The following RAB7A variants were observed in gnomAD, a reference collection of about 807,000 sequenced individuals.
RAB7A encodes the protein RAB7A, member RAS oncogene family.
In RAB7A, 2 loss-of-function variants were observed where a neutral mutation model predicts 24.5. That is an observed-to-expected ratio of 0.08 (90% CI 0.03 to 0.26). The LOEUF (loss-of-function observed/expected upper bound fraction) is 0.26, where lower values mean the gene tolerates loss of function less well. RAB7A is among the 10% of genes least tolerant of loss of function. The pLI is 1.00. For missense variants in RAB7A, 118 were observed against 255.7 expected, an observed-to-expected ratio of 0.46 and a Z score of 3.67; for synonymous variants, 100 against 95.9, an observed-to-expected ratio of 1.04 and a Z score of -0.25.
chr3:128,807,406 C>T, intron 4 of RAB7A, 137 bp from the exon 5 acceptor site: 1 of 1,332,460 alleles, frequency 7.5e-7, no homozygotes, highest in Non-Finnish European at 1.1e-6. Flanking sequence ...AGGTCTCCTC[C>T]AACACCCTCT....
intron 1 of RAB7A, among the ~76,000 whole-genome samples, chr3:128,790,744 A>G (rs1222222962): frequency 6.6e-6 from 1 of 152,146 alleles, no homozygotes; most frequent in Non-Finnish European, 1.5e-5. Flanking sequence ...CCCACTGTTA[A>G]TACTGTATTT....
chr3:128,773,943 CG>C (rs1933017200), intron 1 of RAB7A, among the ~76,000 whole-genome samples: 1 of 148,542 alleles, frequency 6.7e-6, no homozygotes, highest in South Asian at 2.1e-4. Context: ...ACAAACACTG[CG>C]GAAGGCCTCA....
At chr3:128,796,377 A>G (rs1195052306) in intron 2 of RAB7A, among the ~76,000 whole-genome samples, 1 of 152,002 alleles carries the variant, frequency 6.6e-6, no homozygotes, top group Non-Finnish European at 1.5e-5. Flanking sequence ...GCTTGAGCCC[A>G]GGAGTTTGAG....
chr3:128,769,557 A>C (rs969548506), intron 1 of RAB7A, among the ~76,000 whole-genome samples: 8 of 152,148 alleles, frequency 5.3e-5, no homozygotes, highest in African/African-American at 1.9e-4. Flanking sequence ...GTGATTTCCA[A>C]ATATTTTCTC....
chr3:128,744,953 A>C (rs971143406), intron 1 of RAB7A, among the ~76,000 whole-genome samples: 4 of 148,320 alleles, frequency 2.7e-5, no homozygotes, highest in Non-Finnish European at 5.9e-5. Context: ...GGCTCACTGC[A>C]AGCTCTGCCT....
chr3:128,792,882 G>T (rs1051548993), intron 1 of RAB7A, among the ~76,000 whole-genome samples: 4 of 149,144 alleles, frequency 2.7e-5, no homozygotes, highest in African/African-American at 9.9e-5. Flanking sequence ...ACAGTGCCTC[G>T]CACTGTCACC....
chr3:128,798,460 T>A (rs1227930690), intron 3 of RAB7A: 1 of 201,166 alleles, frequency 5.0e-6, no homozygotes, highest in African/African-American at 2.4e-5. Context: ...TAGTGAGACA[T>A]AAACTTTATT....
intron 1 of RAB7A, among the ~76,000 whole-genome samples, chr3:128,754,070 G>GTTGA: frequency 6.6e-6 from 1 of 152,228 alleles, no homozygotes; most frequent in East Asian, 1.9e-4. Flanking sequence ...AGTCATGAAG[G>GTTGA]TTGAAATAAA....
intron 1 of RAB7A, among the ~76,000 whole-genome samples, chr3:128,737,278 A>G (rs1039642182): frequency 3.4e-5 from 5 of 147,794 alleles, no homozygotes; most frequent in African/African-American, 1.3e-4. Context: ...TGACCTTGTG[A>G]TCCGCCTCCC....
At chr3:128,749,593 G>T (rs536864637) in intron 1 of RAB7A, 7 of 152,358 alleles carry the variant, frequency 4.6e-5, no homozygotes, top group African/African-American at 1.7e-4. Flanking sequence ...CCTATTTGTT[G>T]TGGGAGGGAC....
intron 1 of RAB7A, among the ~76,000 whole-genome samples, chr3:128,770,315 C>T (rs762908962): frequency 6.6e-6 from 1 of 152,130 alleles, no homozygotes; most frequent in Non-Finnish European, 1.5e-5. Context: ...CCACAACTTA[C>T]TTTTCGTTTG....
intron 1 of RAB7A, among the ~76,000 whole-genome samples, chr3:128,783,013 T>C (rs1933253422): frequency 6.6e-6 from 1 of 152,140 alleles, no homozygotes; most frequent in South Asian, 2.1e-4. Context: ...GAAGGCACTC[T>C]CACAGAGGCA....
intron 1 of RAB7A, among the ~76,000 whole-genome samples, chr3:128,781,555 A>C (rs968303383): frequency 6.6e-6 from 1 of 152,058 alleles, no homozygotes; most frequent in African/African-American, 2.4e-5. Flanking sequence ...GTGTGCCTGT[A>C]GTCCCATCTG....
chr3:128,778,640 C>T (rs1301800492), intron 1 of RAB7A, among the ~76,000 whole-genome samples: 1 of 152,222 alleles, frequency 6.6e-6, no homozygotes, highest in African/African-American at 2.4e-5. Context: ...AATGCTCAGT[C>T]ATCCTGTTTT....
At chr3:128,731,959 C>T (rs561187020) in intron 1 of RAB7A, among the ~76,000 whole-genome samples, 253 of 146,504 alleles carry the variant, frequency 1.7e-3, no homozygotes, top group Admixed American at 3.7e-3. Flanking sequence ...GAGCCGGGAT[C>T]GTGCCATTGC....
At chr3:128,762,614 A>G (rs1018361756) in intron 1 of RAB7A, among the ~76,000 whole-genome samples, 2 of 152,126 alleles carry the variant, frequency 1.3e-5, no homozygotes, top group Non-Finnish European at 2.9e-5. Flanking sequence ...TGGTCAGACA[A>G]ACTTGGAGTA....
chr3:128,800,279 A>G (rs558739623), intron 3 of RAB7A, among the ~76,000 whole-genome samples: 10 of 152,380 alleles, frequency 6.6e-5, no homozygotes, highest in Admixed American at 3.9e-4. Context: ...GAGCTGGGGT[A>G]AAGGCCCATC....
At chr3:128,760,981 A>G (rs1030014474) in intron 1 of RAB7A, among the ~76,000 whole-genome samples, 3 of 152,340 alleles carry the variant, frequency 2.0e-5, no homozygotes, top group Admixed American at 6.5e-5. Flanking sequence ...CTTACAGATA[A>G]GGATGGAAAT....
chr3:128,743,883 G>A (rs1025366073), intron 1 of RAB7A, among the ~76,000 whole-genome samples: 2 of 150,994 alleles, frequency 1.3e-5, no homozygotes, highest in African/African-American at 4.9e-5. Flanking sequence ...TCCATCTCCT[G>A]GGTTCAAGCG....
Sources: gnomAD v4.1 joint callset for allele counts (sites outside exome capture counted in the v4.1 genomes callset) on GRCh38, gnomAD v4.1.1 for gene constraint, MANE v1.5 for transcripts, NCBI Gene and HGNC (gene_info 2026-07-23, HGNC 2026-07-21) for gene names.